The following ROR2 variants were observed in gnomAD, a reference collection of about 807,000 sequenced individuals.
ROR2 encodes tyrosine-protein kinase transmembrane receptor ROR2.
Under a neutral mutation model 74.9 loss-of-function variants are expected in ROR2, and 33 were observed. The observed-to-expected ratio is 0.44, with a 90% confidence interval of 0.33 to 0.59. ROR2 has a LOEUF of 0.59. ROR2 is among the 20% of genes least tolerant of loss of function. The pLI is 0.02. For missense variants in ROR2, 1,216 were observed against 1,313.8 expected (o/e 0.93, Z 1.15); for synonymous variants, 586 against 558.7 (o/e 1.05, Z -0.69).
At position 91,733,630 on chromosome 9, in the gene ROR2, A is replaced by G. The variant is rs1413933966; in HGVS notation, c.623-194T>C. On this transcript the variant is annotated intron_variant, in intron 5 of 8. Coordinates refer to ENST00000375708, the MANE Select transcript of ROR2 (RefSeq NM_004560.4). This position sits in a 1 kb window ranked among gnomAD's most constrained non-coding sequence, Gnocchi z 5.7. ...TCCCCACCAGCAGGCCAGCCTGCCCATCACCTGCTCTGATTTGCAGCAGTC... is the reference window on the plus strand; with the variant it reads ...TCCCCACCAGCAGGCCAGCCTGCCCGTCACCTGCTCTGATTTGCAGCAGTC... 8.0e-6 allele frequency among the ~76,000 whole-genome samples: 1 copy of G among 124,298 alleles called. No individual in the cohort carries two copies. The highest frequency in any genetic ancestry group is 1.6e-5 in the Non-Finnish European group (1 of 62,844). The allele number at this position is 124,298 out of a possible 152,430, so 81.5% of individuals were successfully genotyped here. A position where few individuals can be genotyped will look rare whatever the true frequency, so the allele number is the denominator to read the frequency against.
At chr9:91,793,618 C>T (rs1016388314) in intron 1 of ROR2, among the ~76,000 whole-genome samples, 3 of 151,810 alleles carry the variant, frequency 2.0e-5, no homozygotes, top group African/African-American at 2.4e-5. Context: ...AAAAATTAGC[C>T]GGGCATGGTG....
chr9:91,933,371 A>T (rs1036341665), intron 1 of ROR2, among the ~76,000 whole-genome samples: 1 of 151,480 alleles, frequency 6.6e-6, no homozygotes, highest in African/African-American at 2.4e-5. Context: ...ACAGATACTC[A>T]CAGAGTTAAA....
intron 1 of ROR2, among the ~76,000 whole-genome samples, chr9:91,935,639 C>T (rs1247238950): frequency 6.6e-6 from 1 of 152,228 alleles, no homozygotes; most frequent in African/African-American, 2.4e-5. Context: ...ACGGGCAGCA[C>T]TAGGCGCCTG....
At chr9:91,786,893 C>T (rs925976245) in intron 1 of ROR2, among the ~76,000 whole-genome samples, 2 of 152,110 alleles carry the variant, frequency 1.3e-5, no homozygotes, top group African/African-American at 4.8e-5. Flanking sequence ...AGAGGAGCTA[C>T]GGAACTTCAA....
intron 5 of ROR2, among the ~76,000 whole-genome samples, chr9:91,736,046 G>A (rs750013817): frequency 2.0e-5 from 3 of 152,186 alleles, no homozygotes; most frequent in East Asian, 1.9e-4. Flanking sequence ...AAGTCATGGC[G>A]TAAAGTATAT....
chr9:91,724,609 C>A lies in ROR2; in HGVS notation c.1885G>T (p.Val629Leu). 3 of 1,614,220 alleles carry A rather than the reference C, an allele frequency of 1.9e-6. No homozygotes were observed. The highest frequency in any genetic ancestry group is 2.7e-5 in the African/African-American group (2 of 75,054). The change falls in exon 9 of 9, where the codon GTG (valine) becomes TTG (leucine). Residue 629 changes from valine (V) to leucine (L), a missense_variant. Val to Leu is a conservative substitution (Grantham distance 32, BLOSUM62 1). Coordinates refer to ENST00000375708, the MANE Select transcript of ROR2 (RefSeq NM_004560.4). ...AAGAGGCCCAAGTCTGAGATCTTCACGTTCAGCTTGTCGTACACTAGCACA... is the reference window on the plus strand; with the variant it reads ...AAGAGGCCCAAGTCTGAGATCTTCAAGTTCAGCTTGTCGTACACTAGCACA... ...RNVLVYDKLNVKISDLGLFRE... is the reference protein window; with the variant it reads ...RNVLVYDKLNLKISDLGLFRE...
At chr9:91,901,508 A>AG (rs1830675880) in intron 1 of ROR2, among the ~76,000 whole-genome samples, 1 of 152,232 alleles carries the variant, frequency 6.6e-6, no homozygotes, top group South Asian at 2.1e-4. Flanking sequence ...TGCCTTCTAC[A>AG]GGGGGTTAAA....
intron 2 of ROR2, among the ~76,000 whole-genome samples, chr9:91,773,213 A>G (rs1181942156): frequency 1.3e-5 from 2 of 152,178 alleles, no homozygotes; most frequent in Non-Finnish European, 2.9e-5. Context: ...ATCTGAAACA[A>G]AGGACTGCAA....
At chr9:91,912,897 G>A (rs548641242) in intron 1 of ROR2, among the ~76,000 whole-genome samples, 3 of 152,218 alleles carry the variant, frequency 2.0e-5, no homozygotes, top group Admixed American at 2.0e-4. Context: ...GGGAGGCCGA[G>A]GCGGGAGGAT....
chr9:91,949,443 G>T (rs1169246283), intron 1 of ROR2, among the ~76,000 whole-genome samples: 1 of 151,992 alleles, frequency 6.6e-6, no homozygotes, highest in Non-Finnish European at 1.5e-5. Context: ...ACAGACGGGG[G>T]ACACTCGGGG....
In ROR2 at chr9:91,757,426, C is replaced by T; in HGVS notation, c.309G>A (p.Val103=). 1.2e-6 allele frequency: 2 copies of T among 1,613,942 alleles called. No individual in the cohort carries two copies. Among genetic ancestry groups the T allele is most frequent in the Non-Finnish European group, 1.7e-6 (2 of 1,180,000 alleles). ...VRWLKNDAPV[V]QEPRRIIIRK... is the part of the protein sequence containing the mutation. ...GGATGATGATCCGCCGCGGCTCCTG[C>T]ACCACCGGGGCATCATTCTTTAGCC... Residue 103 remains valine, a synonymous_variant, in exon 3 of 9, where the codon GTG becomes GTA. Coordinates refer to ENST00000375708, the MANE Select transcript of ROR2 (RefSeq NM_004560.4).
intron 1 of ROR2, among the ~76,000 whole-genome samples, chr9:91,850,845 T>C (rs1469374444): frequency 6.6e-6 from 1 of 152,214 alleles, no homozygotes; most frequent in Non-Finnish European, 1.5e-5. Flanking sequence ...ATTATTTCTA[T>C]TACAGTTCTT....
intron 1 of ROR2, among the ~76,000 whole-genome samples, chr9:91,891,539 G>A (rs902108606): frequency 1.3e-5 from 2 of 152,190 alleles, no homozygotes; most frequent in African/African-American, 2.4e-5. Context: ...AAAGTGCGGG[G>A]ATTACAGGCG....
intron 1 of ROR2, among the ~76,000 whole-genome samples, chr9:91,860,638 T>A (rs1381061295): frequency 6.6e-6 from 1 of 152,220 alleles, no homozygotes; most frequent in Non-Finnish European, 1.5e-5. Context: ...GAGCCATGTG[T>A]GAGTCCTAGA....
At chr9:91,917,523 C>A (rs1831166841) in intron 1 of ROR2, among the ~76,000 whole-genome samples, 1 of 152,202 alleles carries the variant, frequency 6.6e-6, no homozygotes, top group Admixed American at 6.5e-5. Context: ...TTAAGAGCAT[C>A]ATCTGTGCTG....
At chr9:91,796,450 A>C (rs959842949) in intron 1 of ROR2, among the ~76,000 whole-genome samples, 2 of 151,984 alleles carry the variant, frequency 1.3e-5, no homozygotes, top group Non-Finnish European at 2.9e-5. Context: ...AAAAAAAAAA[A>C]AAAAACATTT....
At chr9:91,904,477 C>T (rs1419327498) in intron 1 of ROR2, among the ~76,000 whole-genome samples, 1 of 152,212 alleles carries the variant, frequency 6.6e-6, no homozygotes, top group Non-Finnish European at 1.5e-5. Flanking sequence ...ACCTGCGCCA[C>T]GACCAACAGG....
intron 1 of ROR2, among the ~76,000 whole-genome samples, chr9:91,948,386 G>A (rs1200525929): frequency 6.6e-6 from 1 of 152,202 alleles, no homozygotes; most frequent in Non-Finnish European, 1.5e-5. Context: ...TGGGGGAGGG[G>A]TTGCAGAAAT....
chr9:91,839,554 T>C (rs1828722240), intron 1 of ROR2, among the ~76,000 whole-genome samples: 1 of 151,710 alleles, frequency 6.6e-6, no homozygotes, highest in African/African-American at 2.4e-5. Flanking sequence ...GTGTGGTGTG[T>C]CTGGTATATG....
Sources: gnomAD v4.1 joint callset for allele counts (sites outside exome capture counted in the v4.1 genomes callset) on GRCh38, gnomAD v4.1.1 for gene constraint, Gnocchi (gnomAD v3.1) non-coding constraint, MANE v1.5 for transcripts, NCBI Gene and HGNC (gene_info 2026-07-23, HGNC 2026-07-21) for gene names.